Variants in COX5A observed in about 807,000 individuals in gnomAD.
COX5A encodes the protein cytochrome c oxidase subunit 5A, also known as cytochrome c oxidase subunit 5A, mitochondrial.
Under a neutral mutation model 16.1 loss-of-function variants are expected in COX5A, and 6 were observed. The ratio of observed to expected loss-of-function variants is 0.37; its 90% confidence interval spans 0.20 to 0.73. COX5A has a LOEUF of 0.73. Among genes scored for constraint, COX5A ranks in the 30% least tolerant of loss-of-function variants. The pLI is 0.50. For missense variants in COX5A, 159 were observed against 194.9 expected (o/e 0.82, Z 1.10); for synonymous variants, 73 against 73.8 (o/e 0.99, Z 0.06).
intron 4 of COX5A, 187 bp downstream of exon 4, chr15:74,923,461 T>A: frequency 2.0e-6 from 1 of 491,054 alleles, no homozygotes; most frequent in South Asian, 3.6e-5. Flanking sequence ...AAGAAAATAA[T>A]GACAACAACT....
intron 1 of COX5A, among the ~76,000 whole-genome samples, chr15:74,931,665 T>A (rs1033341057): frequency 6.6e-6 from 1 of 151,480 alleles, no homozygotes; most frequent in African/African-American, 2.4e-5. Flanking sequence ...GTGATTCTCC[T>A]GCCTCAGCCT....
chr15:74,921,725 G>A lies in COX5A; in HGVS notation c.*10-1283C>T, dbSNP rs562485063. Among the ~76,000 whole-genome samples the A allele has an allele frequency of 7.4e-4, 113 of 152,286 alleles. No individual in the cohort carries two copies. In the Middle Eastern group the frequency reaches 0.014, roughly 18 times the overall value. ...AGCCTGGGCGACAGAGTGAGACTCC[G>A]TCTCAAAACAACAACAAAAAACAAA... is the stretch of plus-strand genomic sequence containing the variant. On this transcript the variant is annotated intron_variant, in intron 4 of 4. Coordinates refer to ENST00000322347, the MANE Select transcript of COX5A (RefSeq NM_004255.4).
chr15:74,931,038 AAAAAAAAAT>A (rs2141273452), intron 1 of COX5A, among the ~76,000 whole-genome samples: 1 of 150,674 alleles, frequency 6.6e-6, no homozygotes, highest in African/African-American at 2.4e-5. Flanking sequence ...AAAAAAAAAA[AAAAAAAAAT>A]TCTCATGTTA....
Position 74,929,172 on chromosome 15 carries a change from G to C in COX5A, c.161C>G (p.Ala54Gly), listed in dbSNP as rs138526218. The part of the protein sequence containing the change: ...GSQETDEEFD[A>G]RWVTYFNKPD... ...CTTGTTGAAGTATGTTACCCAGCGA[G>C]CATCAAACTCCTCATCTGTCTCCTG... Residue 54 changes from alanine (A) to glycine (G), a missense_variant, in exon 2 of 5, where the codon GCT becomes GGT. Physicochemically the swap from Ala to Gly is moderately conservative, Grantham distance 60. Coordinates refer to ENST00000322347, the MANE Select transcript of COX5A (RefSeq NM_004255.4). 45 of 1,613,978 alleles carry C rather than the reference G, an allele frequency of 2.8e-5. No individual in the cohort carries two copies. In the African/African-American group the frequency reaches 5.9e-4, roughly 21 times the overall value.
intron 2 of COX5A, among the ~76,000 whole-genome samples, chr15:74,928,860 A>T (rs1435817081): frequency 2.0e-5 from 3 of 152,196 alleles, no homozygotes; most frequent in African/African-American, 7.2e-5. Flanking sequence ...TAGCAGGTAG[A>T]GGCCAAAGGT....
intron 2 of COX5A, 55 bp from the exon 3 acceptor site, chr15:74,926,942 T>C (rs1176029884): frequency 6.4e-7 from 1 of 1,571,968 alleles, no homozygotes; most frequent in Non-Finnish European, 8.6e-7. Context: ...ACTTAAACTA[T>C]GAGTTATTTA....
chr15:74,929,600 TA>T (rs2065357691), intron 1 of COX5A, among the ~76,000 whole-genome samples: 1 of 152,178 alleles, frequency 6.6e-6, no homozygotes, highest in Non-Finnish European at 1.5e-5. Flanking sequence ...TATTAATTCC[TA>T]AGTAAAAATG....
intron 1 of COX5A, among the ~76,000 whole-genome samples, chr15:74,934,322 C>T (rs977771889): frequency 2.6e-5 from 4 of 151,848 alleles, no homozygotes; most frequent in African/African-American, 7.3e-5. Flanking sequence ...ACTCTCCCCA[C>T]GTGATTTAAA....
At chr15:74,936,045 C>T (rs1175114178) in intron 1 of COX5A, among the ~76,000 whole-genome samples, 1 of 151,992 alleles carries the variant, frequency 6.6e-6, no homozygotes, top group Non-Finnish European at 1.5e-5. Context: ...AATCCCAGCA[C>T]TTTGGGAGGC....
At chr15:74,926,406 C>T (rs1005257230) in intron 3 of COX5A, among the ~76,000 whole-genome samples, 40 of 150,716 alleles carry the variant, frequency 2.7e-4, no homozygotes, top group South Asian at 2.1e-4. Context: ...AAACTCCTGA[C>T]ATTGCATGAT....
At chr15:74,921,438 T>C in intron 4 of COX5A, among the ~76,000 whole-genome samples, 1 of 130,042 alleles carries the variant, frequency 7.7e-6, no homozygotes, top group Non-Finnish European at 1.6e-5. Flanking sequence ...AAAAAGAATA[T>C]CAATCACAGG....
At chr15:74,929,279 G>A (rs1369776803) in intron 1 of COX5A, 47 bp from the exon 2 acceptor site, 1 of 1,325,600 alleles carries the variant, frequency 7.5e-7, no homozygotes, top group Non-Finnish European at 1.1e-6. Flanking sequence ...AATAGTACTT[G>A]ATATATTTTG....
chr15:74,920,429 T>C lies in COX5A; in HGVS notation c.*23A>G. ...CTCAAGTAGCAATGTCAATAAATCCTTGGGGAAGCCCATCTGTAAGAGAAA... is the reference window on the plus strand; with the variant it reads ...CTCAAGTAGCAATGTCAATAAATCCCTGGGGAAGCCCATCTGTAAGAGAAA... On this transcript the variant is annotated 3_prime_UTR_variant, in exon 5 of 5. Coordinates refer to ENST00000322347, the MANE Select transcript of COX5A (RefSeq NM_004255.4). The C allele has an allele frequency of 1.4e-6, 1 of 694,798 alleles. No individual in the cohort carries two copies. Among genetic ancestry groups the C allele is most frequent in the Non-Finnish European group, 2.6e-6 (1 of 382,854 alleles). The allele number at this position is 694,798 out of a possible 1,614,324, so 43.0% of individuals were successfully genotyped here.
chr15:74,935,924 C>T (rs1249602386), intron 1 of COX5A, among the ~76,000 whole-genome samples: 1 of 151,048 alleles, frequency 6.6e-6, no homozygotes, highest in Non-Finnish European at 1.5e-5. Context: ...TTTAGCAAAA[C>T]ACAAAATCTA....
At chr15:74,930,959 G>A (rs1302834044) in intron 1 of COX5A, among the ~76,000 whole-genome samples, 2 of 131,874 alleles carry the variant, frequency 1.5e-5, no homozygotes, top group Non-Finnish European at 3.1e-5. Context: ...GGAGCTTGCA[G>A]TGAGCAGAGA....
At chr15:74,932,633 T>G (rs565721946) in intron 1 of COX5A, among the ~76,000 whole-genome samples, 1 of 151,622 alleles carries the variant, frequency 6.6e-6, no homozygotes, top group South Asian at 2.1e-4. Flanking sequence ...ATTACCTACA[T>G]AATCCAAGCC....
At chr15:74,927,426 C>T (rs1249008148) in intron 2 of COX5A, among the ~76,000 whole-genome samples, 1 of 152,022 alleles carries the variant, frequency 6.6e-6, no homozygotes, top group East Asian at 1.9e-4. Flanking sequence ...CCACCTGCCT[C>T]GGCCTCCCAA....
In COX5A at chr15:74,929,972, G is replaced by A. The variant is rs545287646; in HGVS notation, c.101-740C>T. On this transcript the variant is annotated intron_variant, in intron 1 of 4. Coordinates refer to ENST00000322347, the MANE Select transcript of COX5A (RefSeq NM_004255.4). ...CGGGCGGCTGTAGTCCCAGCTACTCGGGAGGCTGAGGCAGGAGAATGGCGT... is the reference window on the plus strand; with the variant it reads ...CGGGCGGCTGTAGTCCCAGCTACTCAGGAGGCTGAGGCAGGAGAATGGCGT... Among the ~76,000 whole-genome samples, 81 of 151,756 alleles carry A rather than the reference G, an allele frequency of 5.3e-4. 1 individual carries two copies. The East Asian group carries it at 0.015, about 27-fold the overall frequency.
chr15:74,935,942 A>G (rs1566983112), intron 1 of COX5A, among the ~76,000 whole-genome samples: 1 of 152,260 alleles, frequency 6.6e-6, no homozygotes, highest in East Asian at 1.9e-4. Flanking sequence ...CTAAACAAAC[A>G]TCAGGATGGC....
Sources: allele counts gnomAD v4.1 joint callset (sites outside exome capture counted in the v4.1 genomes callset), GRCh38; gene constraint gnomAD v4.1.1; transcripts MANE v1.5; gene names NCBI Gene and HGNC (gene_info 2026-07-23, HGNC 2026-07-21).